The following GHR variants were observed in gnomAD, a reference collection of about 807,000 sequenced individuals.
The protein encoded by GHR is growth hormone receptor, also known as GH receptor.
Under a neutral mutation model 67.1 loss-of-function variants are expected in GHR, and 35 were observed. The ratio of observed to expected loss-of-function variants is 0.52; its 90% CI spans 0.40 to 0.69. The LOEUF is 0.69. Among genes scored for constraint, GHR ranks in the 30% least tolerant of loss-of-function variants. The probability of loss-of-function intolerance (pLI) is 0.00; values close to 1 mark genes in which losing one functional copy is unlikely to be tolerated. For missense variants in GHR, 792 were observed against 764.6 expected, an observed-to-expected ratio of 1.04 and a Z score of -0.42; for synonymous variants, 272 against 269.1, an observed-to-expected ratio of 1.01 and a Z score of -0.10.
intron 2 of GHR, among the ~76,000 whole-genome samples, chr5:42,610,867 T>C (rs1394179310): frequency 6.6e-6 from 1 of 152,084 alleles, no homozygotes; most frequent in African/African-American, 2.4e-5. Flanking sequence ...CCTGCCTTGG[T>C]GTCCTTGTCA....
At chr5:42,617,550 G>A (rs936888602) in intron 2 of GHR, among the ~76,000 whole-genome samples, 1 of 151,976 alleles carries the variant, frequency 6.6e-6, no homozygotes, top group African/African-American at 2.4e-5. Flanking sequence ...AAGTTGTGTG[G>A]GAGTTCTGTT....
At chr5:42,671,284 G>T (rs1317833246) in intron 3 of GHR, among the ~76,000 whole-genome samples, 1 of 151,938 alleles carries the variant, frequency 6.6e-6, no homozygotes, top group Admixed American at 6.6e-5. Context: ...TCACACAGGG[G>T]AAGCAGGAGT....
chr5:42,555,924 T>C (rs1349889522), intron 1 of GHR, among the ~76,000 whole-genome samples: 1 of 152,124 alleles, frequency 6.6e-6, no homozygotes, highest in Non-Finnish European at 1.5e-5. Context: ...GGTGTTCAGG[T>C]GAGGGAATTG....
chr5:42,616,287 TG>T (rs1753142852), intron 2 of GHR, among the ~76,000 whole-genome samples: 1 of 152,090 alleles, frequency 6.6e-6, no homozygotes. Context: ...GCTGGATGCA[TG>T]GGCTATAATA....
At chr5:42,685,519 A>C (rs1757095180) in intron 3 of GHR, among the ~76,000 whole-genome samples, 1 of 152,212 alleles carries the variant, frequency 6.6e-6, no homozygotes, top group Non-Finnish European at 1.5e-5. Flanking sequence ...GAATTGCCAC[A>C]CTGTCTTCCA....
chr5:42,476,206 T>C (rs1365614949), intron 1 of GHR, among the ~76,000 whole-genome samples: 1 of 130,974 alleles, frequency 7.6e-6, no homozygotes, highest in Non-Finnish European at 1.6e-5. Context: ...CCCGGCTTTT[T>C]GTTGTGTTTT....
chr5:42,567,853 G>A (rs1416613861), intron 2 of GHR, among the ~76,000 whole-genome samples: 1 of 151,112 alleles, frequency 6.6e-6, no homozygotes, highest in Non-Finnish European at 1.5e-5. Flanking sequence ...GGGTTCATGG[G>A]TTCAGCCAAA....
chr5:42,597,747 A>C (rs1022693023), intron 2 of GHR, among the ~76,000 whole-genome samples: 1 of 152,200 alleles, frequency 6.6e-6, no homozygotes, highest in African/African-American at 2.4e-5. Flanking sequence ...TACTGAGAGC[A>C]GACTGATAGT....
chr5:42,674,160 G>A (rs541624816), intron 3 of GHR, among the ~76,000 whole-genome samples: 38 of 152,122 alleles, frequency 2.5e-4, no homozygotes, highest in Non-Finnish European at 5.0e-4. Flanking sequence ...CAAGGATCCA[G>A]TAGTGTCTTT....
At chr5:42,425,065 G>A (rs557296681) in intron 1 of GHR, 2 of 956,958 alleles carry the variant, frequency 2.1e-6, no homozygotes, top group African/African-American at 3.5e-5. Flanking sequence ...GTGTTGGGAA[G>A]TCAGAGTAGT....
chr5:42,634,521 G>GCACACACACACACA (rs10684580), intron 3 of GHR, among the ~76,000 whole-genome samples: 26 of 148,924 alleles, frequency 1.7e-4, no homozygotes, highest in African/African-American at 6.2e-4. Flanking sequence ...ATTGAATTTT[G>GCACACACACACACA]CACACACACA....
intron 3 of GHR, among the ~76,000 whole-genome samples, chr5:42,676,180 G>C (rs1414155822): frequency 6.6e-6 from 1 of 152,142 alleles, no homozygotes; most frequent in Non-Finnish European, 1.5e-5. Context: ...AGCTACTCAG[G>C]AGGCTGAGGC....
At chr5:42,436,505 G>GT (rs1579694812) in intron 1 of GHR, among the ~76,000 whole-genome samples, 1 of 151,976 alleles carries the variant, frequency 6.6e-6, no homozygotes, top group Non-Finnish European at 1.5e-5. Flanking sequence ...AAAACATGTT[G>GT]TTTTTTTAAT....
chr5:42,699,546 A>C (rs1313693130), intron 5 of GHR, among the ~76,000 whole-genome samples: 1 of 152,216 alleles, frequency 6.6e-6, no homozygotes, highest in Non-Finnish European at 1.5e-5. Flanking sequence ...GCAAAAAGAA[A>C]TATACAACAT....
Position 42,622,987 on chromosome 5 carries a change from A to G in GHR, c.71-6051A>G, listed in dbSNP as rs537893015. 9.9e-5 allele frequency among the ~76,000 whole-genome samples: 15 copies of G among 152,258 alleles called. No individual in the cohort carries two copies. In the South Asian group the frequency reaches 3.1e-3, roughly 32 times the overall value. ...CCCGTCTTCACATCAGCAAAACCCT[A>G]AGTGCACAAAGTCTAATGTAAACAC... On this transcript the variant is annotated intron_variant, in intron 2 of 9. Transcript: ENST00000230882.
In GHR at chr5:42,562,390, A is replaced by C. The variant is rs373784309; in HGVS notation, c.-11-3474A>C. Among the ~76,000 whole-genome samples, 25 of 152,218 alleles carry C rather than the reference A, an allele frequency of 1.6e-4. No individual in the cohort carries two copies. The South Asian group carries it at 2.3e-3, about 14-fold the overall frequency. ...AAAGCCCTTATCTTCTGCTGAATCC[A>C]TCCACATTTTTTTATCCTCCTCCTG... On this transcript the variant is annotated intron_variant, in intron 1 of 9. Transcript: ENST00000230882.
intron 2 of GHR, among the ~76,000 whole-genome samples, chr5:42,620,464 A>G (rs1407371023): frequency 1.3e-5 from 2 of 152,180 alleles, no homozygotes; most frequent in African/African-American, 2.4e-5. Flanking sequence ...GATAACTAAC[A>G]TATCAGACAT....
chr5:42,445,687 C>A (rs1185095238), intron 1 of GHR, among the ~76,000 whole-genome samples: 1 of 152,174 alleles, frequency 6.6e-6, no homozygotes, highest in Non-Finnish European at 1.5e-5. Context: ...ACAGTACCAT[C>A]TTCTGATTTA....
intron 3 of GHR, among the ~76,000 whole-genome samples, chr5:42,650,708 A>G (rs1754981737): frequency 6.6e-6 from 1 of 151,900 alleles, no homozygotes; most frequent in Non-Finnish European, 1.5e-5. Context: ...AGATGAGTGA[A>G]TGCAAAGATA....
Sources: gnomAD v4.1 joint callset for allele counts (sites outside exome capture counted in the v4.1 genomes callset) on GRCh38, gnomAD v4.1.1 for gene constraint, MANE v1.5 for transcripts, NCBI Gene and HGNC (gene_info 2026-07-23, HGNC 2026-07-21) for gene names.